TLL1: variants seen among roughly 807,000 people sequenced by gnomAD.
The protein encoded by TLL1 is tolloid like 1, also known as tolloid-like protein 1.
A neutral mutation model predicts 128.2 loss-of-function variants in TLL1; 49 were observed. That is an observed-to-expected ratio of 0.38 (90% CI 0.30 to 0.48). TLL1 has a LOEUF of 0.48. Among genes scored for constraint, TLL1 ranks in the 20% least tolerant of loss-of-function variants. TLL1 has a pLI of 0.96. For synonymous variants in TLL1, 454 were observed against 418.8 expected (o/e 1.08, Z -1.03); for missense variants, 1,123 against 1,242.0 (o/e 0.90, Z 1.44).
Position 166,100,857 on chromosome 4 carries a change from C to T in TLL1, c.3023C>T (p.Thr1008Ile), listed in dbSNP as rs747818508. The change falls in exon 21 of 21, where the codon ACC (threonine) becomes ATC (isoleucine). Residue 1008 changes from threonine to isoleucine, a missense_variant. This residue lies in a region of TLL1 where 634 missense variants were observed against 672.4 expected (regional missense o/e 0.94). Transcript: ENST00000061240. ...TACAAAAGCATAAGATATCCAGATA[C>T]CACACATACCAAAAAATAACACCAA... The part of the protein sequence containing the change: ...IRYKSIRYPD[T>I]THTKK The T allele has an allele frequency of 4.2e-5, 67 of 1,612,554 alleles. 2 individuals carry two copies. The South Asian group carries it at 6.8e-4, about 16-fold the overall frequency.
At chr4:165,972,643 A>T (rs565748520) in intron 1 of TLL1, among the ~76,000 whole-genome samples, 1 of 152,218 alleles carries the variant, frequency 6.6e-6, no homozygotes, top group South Asian at 2.1e-4. Context: ...TAACTATCTC[A>T]TAACTCTCTA....
chr4:165,925,328 C>A (rs1733221746), intron 1 of TLL1, among the ~76,000 whole-genome samples: 2 of 152,130 alleles, frequency 1.3e-5, no homozygotes, highest in Admixed American at 1.3e-4. Flanking sequence ...ATCAAAATAT[C>A]AACATTAACA....
intron 8 of TLL1, among the ~76,000 whole-genome samples, chr4:166,016,762 C>T (rs941130298): frequency 1.3e-4 from 19 of 151,174 alleles, no homozygotes; most frequent in African/African-American, 4.1e-4. Context: ...AATAAAGTAC[C>T]GGGAGTAAGG....
intron 1 of TLL1, among the ~76,000 whole-genome samples, chr4:165,882,351 A>G (rs2110813170): frequency 6.6e-6 from 1 of 152,282 alleles, no homozygotes; most frequent in East Asian, 1.9e-4. Flanking sequence ...TCCTGCTTGT[A>G]CTTGTTTCCT....
chr4:165,977,303 T>G (rs1735932776), intron 1 of TLL1, among the ~76,000 whole-genome samples: 1 of 152,090 alleles, frequency 6.6e-6, no homozygotes, highest in African/African-American at 2.4e-5. Flanking sequence ...GAGTTAGTTC[T>G]TATGAGATCT....
intron 11 of TLL1, among the ~76,000 whole-genome samples, chr4:166,042,452 AT>A (rs1560830418): frequency 2.6e-5 from 4 of 152,198 alleles, no homozygotes; most frequent in African/African-American, 9.6e-5. Flanking sequence ...AGAAATTATC[AT>A]TTTCCTTTGT....
chr4:166,075,309 T>C (rs780036855), intron 17 of TLL1, among the ~76,000 whole-genome samples: 3 of 152,212 alleles, frequency 2.0e-5, no homozygotes, highest in Non-Finnish European at 4.4e-5. Flanking sequence ...TATAACACTA[T>C]GCATATTTAA....
chr4:166,063,124 G>A (rs996136405), intron 15 of TLL1, among the ~76,000 whole-genome samples: 1 of 151,828 alleles, frequency 6.6e-6, no homozygotes, highest in African/African-American at 2.4e-5. Flanking sequence ...AATCTACAAA[G>A]AACTTAAACA....
rs371310405 is a variant in TLL1 at position 166,099,332 on chromosome 4, T to C, written c.2712T>C (p.Ala904=). The stretch of plus-strand genomic sequence containing the variant: ...AACCAAGAGATCTGTACTCACATGC[T>C]CAGTTTGGTGATAACAACTACCCAG... ...ESKPRDLYSH[A]QFGDNNYPGQ... Residue 904 remains alanine (A), a synonymous_variant, in exon 20 of 21, where the codon GCT becomes GCC. Transcript: ENST00000061240. The C allele has an allele frequency of 6.8e-5, 110 of 1,613,486 alleles. No homozygotes were observed. Among genetic ancestry groups the C allele is most frequent in the Non-Finnish European group, 9.2e-5 (108 of 1,179,670 alleles).
intron 2 of TLL1, among the ~76,000 whole-genome samples, chr4:165,990,984 T>A (rs1466427960): frequency 1.3e-5 from 2 of 151,996 alleles, no homozygotes. Flanking sequence ...TGTAACACTG[T>A]CATGGAGACA....
chr4:165,933,484 C>G (rs1273640646), intron 1 of TLL1, among the ~76,000 whole-genome samples: 1 of 152,170 alleles, frequency 6.6e-6, no homozygotes, highest in African/African-American at 2.4e-5. Context: ...GGTCTGCAGT[C>G]CATTCCATCC....
intron 5 of TLL1, among the ~76,000 whole-genome samples, chr4:166,000,780 A>G (rs1737113428): frequency 6.6e-6 from 1 of 152,148 alleles, no homozygotes; most frequent in Non-Finnish European, 1.5e-5. Flanking sequence ...AATACATAAT[A>G]GGTACCTATA....
At chr4:166,036,422 A>G (rs1739004465) in intron 9 of TLL1, among the ~76,000 whole-genome samples, 1 of 152,228 alleles carries the variant, frequency 6.6e-6, no homozygotes. Context: ...ACTTACGTCA[A>G]AAATAAAATA....
chr4:165,917,124 T>G (rs1388446607), intron 1 of TLL1, among the ~76,000 whole-genome samples: 1 of 152,136 alleles, frequency 6.6e-6, no homozygotes, highest in African/African-American at 2.4e-5. Context: ...ATGATGAATA[T>G]CTTCCTTTGA....
At chr4:166,038,785 G>C (rs749399303) in intron 9 of TLL1, among the ~76,000 whole-genome samples, 1 of 152,140 alleles carries the variant, frequency 6.6e-6, no homozygotes, top group Non-Finnish European at 1.5e-5. Context: ...ATCTGCCTTT[G>C]ATTATCATTA....
At chr4:166,045,054 G>A (rs887795851) in intron 12 of TLL1, among the ~76,000 whole-genome samples, 14 of 152,300 alleles carry the variant, frequency 9.2e-5, no homozygotes, top group African/African-American at 3.4e-4. Context: ...ACACACAGTA[G>A]TTGCTTAATA....
intron 7 of TLL1, among the ~76,000 whole-genome samples, chr4:166,011,351 C>G (rs1448507128): frequency 6.6e-6 from 1 of 151,232 alleles, no homozygotes; most frequent in Non-Finnish European, 1.5e-5. Flanking sequence ...AGTGTAAAAT[C>G]TTTCACTTCT....
At position 165,873,450 on chromosome 4, in the gene TLL1, G is replaced by C. The variant is rs1353895631; in HGVS notation, c.-455G>C. The stretch of plus-strand genomic sequence containing the variant: ...CTTTGGGCTCAGGCGGCGGCGGCTC[G>C]CGCTCGGCCGCGGAGTCCTGGCAGC... On this transcript the variant is annotated 5_prime_UTR_variant, in exon 1 of 21. Coordinates refer to ENST00000061240, the MANE Select transcript of TLL1 (RefSeq NM_012464.5). 6.5e-6 allele frequency: 1 copy of C among 153,046 alleles called. No individual in the cohort carries two copies. The highest frequency in any genetic ancestry group is 1.5e-5 in the Non-Finnish European group (1 of 68,762). 9.5% of individuals were successfully genotyped at this position (153,046 alleles called of 1,614,324 possible). A position where few individuals can be genotyped will look rare whatever the true frequency, so the allele number is the denominator to read the frequency against.
intron 1 of TLL1, among the ~76,000 whole-genome samples, chr4:165,928,840 G>A (rs1733386779): frequency 1.3e-5 from 2 of 152,014 alleles, no homozygotes; most frequent in Admixed American, 1.3e-4. Context: ...GTTTATACTG[G>A]GACTTGTGAT....
Sources: gnomAD v4.1 joint callset for allele counts (sites outside exome capture counted in the v4.1 genomes callset) on GRCh38, gnomAD v4.1.1 for gene constraint, gnomAD v4.1.1 regional missense constraint, MANE v1.5 for transcripts, NCBI Gene and HGNC (gene_info 2026-07-23, HGNC 2026-07-21) for gene names.